The following NEB variants were observed in gnomAD, a reference collection of about 807,000 sequenced individuals.
NEB encodes the protein nemaline myopathy type 2.
Under a neutral mutation model 952.2 loss-of-function variants are expected in NEB, and 512 were observed. The ratio of observed to expected loss-of-function variants is 0.54; its 90% CI spans 0.50 to 0.58. The LOEUF (loss-of-function observed/expected upper bound fraction) is 0.58, where lower values mean the gene tolerates loss of function less well. Among genes scored for constraint, NEB ranks in the 20% least tolerant of loss-of-function variants. The probability of loss-of-function intolerance (pLI) is 0.00; values close to 1 mark genes in which losing one functional copy is unlikely to be tolerated. For missense variants in NEB, 8,428 were observed against 9,231.1 expected (o/e 0.91, Z 3.56); for synonymous variants, 2,900 against 3,149.8 (o/e 0.92, Z 2.66).
Position 151,553,965 on chromosome 2 carries a change from C to T in NEB, c.19489G>A (p.Val6497Ile), listed in dbSNP as rs777289377. 5.0e-6 allele frequency: 8 copies of T among 1,613,754 alleles called. No homozygotes were observed. The highest frequency in any genetic ancestry group is 5.9e-6 in the Non-Finnish European group (7 of 1,179,802). Residue 6497 changes from valine to isoleucine, a missense_variant, in exon 126 of 182, where the codon GTA becomes ATA. Around this residue, in one of 11 missense-constraint regions of NEB, gnomAD observed 3,374 missense variants for 3,651.5 expected, o/e 0.92. Transcript: ENST00000397345. The stretch of plus-strand genomic sequence containing the variant: ...GAATCCTTGGCAGTAACCATCTCTA[C>T]CATGTCGGGCACGATGTGGATTTTC... Reference protein sequence around the residue: ...KMKIHIVPDMVEMVTAKDSQK... With the variant: ...KMKIHIVPDMIEMVTAKDSQK...
chr2:151,724,894 A>C lies in NEB; in HGVS notation c.470T>G (p.Ile157Ser). The change falls in exon 7 of 182, where the codon ATT becomes AGT. Residue 157 changes from isoleucine to serine, a missense_variant. Ile to Ser is a moderately radical substitution (Grantham distance 142). Around this residue, in one of 11 missense-constraint regions of NEB, gnomAD observed 2,851 missense variants for 2,791.5 expected, o/e 1.02. Coordinates refer to ENST00000397345, the MANE Select transcript of NEB (RefSeq NM_001164508.2). ...ICHVDEKAKD[I>S]EHAKKVSQQV... ...CTGCGACACTTTCTTTGCATGTTCA[A>C]TATCCTTTGCTTTTTCATCTACGTG... The C allele has an allele frequency of 6.2e-7, 1 of 1,613,816 alleles. No individual in the cohort carries two copies. Among genetic ancestry groups the C allele is most frequent in the Non-Finnish European group, 8.5e-7 (1 of 1,179,810 alleles).
Position 151,575,797 on chromosome 2 carries a change from T to A in NEB, c.16911A>T (p.Pro5637=). ...CCTTGTCCCAAACCTCTCTGTACTTTGGCTGTGGAAAGAAACAAAAATAAT... is the reference window on the plus strand; with the variant it reads ...CCTTGTCCCAAACCTCTCTGTACTTAGGCTGTGGAAAGAAACAAAAATAAT... The part of the protein sequence containing the change: ...AKSNAENISI[P]KYREVWDKDK... Residue 5637 remains proline, a splice_region_variant and synonymous_variant, in exon 107 of 182, where the codon CCA becomes CCT. Coordinates refer to ENST00000397345, the MANE Select transcript of NEB (RefSeq NM_001164508.2). The A allele has an allele frequency of 1.3e-6, 2 of 1,582,326 alleles. No homozygotes were observed. The highest frequency in any genetic ancestry group is 2.2e-5 in the South Asian group (2 of 90,296).
chr2:151,664,514 T>G lies in NEB; in HGVS notation c.5438A>C (p.Asp1813Ala). 1 of 1,587,638 alleles carries G rather than the reference T, an allele frequency of 6.3e-7. No homozygotes were observed. Among genetic ancestry groups the G allele is most frequent in the Non-Finnish European group, 8.5e-7 (1 of 1,170,122 alleles). Residue 1813 changes from aspartate to alanine, a missense_variant, in exon 44 of 182, where the codon GAC (aspartate) becomes GCC (alanine). By Grantham distance (126) the Asp-to-Ala change is moderately radical (BLOSUM62 -2). This residue lies in a region of NEB where 2,851 missense variants were observed against 2,791.5 expected (regional missense o/e 1.02). Transcript: ENST00000397345. ...GCAAGCACTTACATCACTGGCAATG[T>G]CTCTAGAGGCTCTTGCAGCCTTTAT... ...IAIKAARASR[D>A]IASDYKYKKA... is the part of the protein sequence containing the mutation.
At chr2:151,514,953 A>C (rs1371784846) in intron 157 of NEB, 25 bp from the exon 158 acceptor site, 1 of 1,436,440 alleles carries the variant, frequency 7.0e-7, no homozygotes, top group South Asian at 1.3e-5. Flanking sequence ...AAGGAAAGAC[A>C]AGTTAAAAAA....
intron 13 of NEB, among the ~76,000 whole-genome samples, chr2:151,704,824 G>A (rs564497323): frequency 9.3e-4 from 141 of 152,168 alleles, no homozygotes; most frequent in Non-Finnish European, 2.0e-3. Flanking sequence ...CGTCTTCTGC[G>A]TCGCTCGCTC....
intron 54 of NEB, among the ~76,000 whole-genome samples, chr2:151,648,198 T>G (rs893440952): frequency 1.3e-5 from 2 of 152,184 alleles, no homozygotes; most frequent in African/African-American, 4.8e-5. Flanking sequence ...TGAAATTATT[T>G]CAATAAAAAA....
rs770003489 is a variant in NEB at position 151,576,102 on chromosome 2, C to T, written c.16908+49G>A. 8.9e-6 allele frequency: 12 copies of T among 1,355,100 alleles called. No individual in the cohort carries two copies. In the East Asian group the frequency reaches 2.2e-4, roughly 25 times the overall value. The allele number at this position is 1,355,100 out of a possible 1,614,324, so 83.9% of individuals were successfully genotyped here. ...ATAAATGACCAGGTTTATTCTTTCTCATCTATTTATGGCATTAATTCAATT... is the reference window on the plus strand; with the variant it reads ...ATAAATGACCAGGTTTATTCTTTCTTATCTATTTATGGCATTAATTCAATT... On this transcript the variant is annotated intron_variant, in intron 106 of 181. Coordinates refer to ENST00000397345, the MANE Select transcript of NEB (RefSeq NM_001164508.2).
intron 68 of NEB, among the ~76,000 whole-genome samples, chr2:151,629,231 C>G (rs1367852119): frequency 6.6e-6 from 1 of 152,046 alleles, no homozygotes; most frequent in Non-Finnish European, 1.5e-5. Context: ...CTGTGAGGCT[C>G]TATGCTCAAA....
chr2:151,497,074 A>T (rs772282131), intron 171 of NEB, 41 bp from the exon 172 acceptor site: 1 of 1,543,114 alleles, frequency 6.5e-7, no homozygotes. Flanking sequence ...ACCATGAGTA[A>T]CATTTCATTT....
intron 13 of NEB, among the ~76,000 whole-genome samples, chr2:151,698,431 G>A (rs998214077): frequency 6.6e-6 from 1 of 152,092 alleles, no homozygotes; most frequent in Non-Finnish European, 1.5e-5. Context: ...GAATAGGTAT[G>A]AGGTTTATGG....
intron 172 of NEB, 30 bp from the exon 173 acceptor site, chr2:151,496,398 A>C (rs778264363): frequency 1.9e-6 from 3 of 1,576,752 alleles, no homozygotes; most frequent in Non-Finnish European, 1.7e-6. Context: ...CCAGAAAAAC[A>C]ACCATGAGTA....
chr2:151,729,426 A>G (rs1189423430), intron 4 of NEB, among the ~76,000 whole-genome samples, 189 bp downstream of exon 4: 6 of 152,252 alleles, frequency 3.9e-5, no homozygotes, highest in African/African-American at 1.4e-4. Context: ...AATAGGAAAA[A>G]AAGGTGAAAT....
chr2:151,661,329 G>C (rs902747015), intron 46 of NEB, among the ~76,000 whole-genome samples: 1 of 152,146 alleles, frequency 6.6e-6, no homozygotes, highest in Non-Finnish European at 1.5e-5. Flanking sequence ...CAAGGAGGTT[G>C]AGCTCCACAA....
At chr2:151,685,216 C>T (rs1193379588) in intron 27 of NEB, among the ~76,000 whole-genome samples, 1 of 152,188 alleles carries the variant, frequency 6.6e-6, no homozygotes, top group Non-Finnish European at 1.5e-5. Flanking sequence ...CGGGCCACAG[C>T]TTCTGCTTCA....
In NEB at chr2:151,570,683, G is replaced by C. The variant is rs2096594334; in HGVS notation, c.17014-82C>G. 3 of 1,278,118 alleles carry C rather than the reference G, an allele frequency of 2.3e-6. No individual in the cohort carries two copies. The South Asian group carries it at 3.8e-5, about 16-fold the overall frequency. The allele number at this position is 1,278,118 out of a possible 1,614,324, so 79.2% of individuals were successfully genotyped here. On this transcript the variant is annotated intron_variant, in intron 107 of 181. Transcript: ENST00000397345. ...TGGCTCAGGTGGAATTAATACCACA[G>C]GGGCACAGTTTTGAAGCCCAAGGAC...
At chr2:151,695,028 G>C (rs1211488849) in intron 18 of NEB, among the ~76,000 whole-genome samples, 1 of 152,158 alleles carries the variant, frequency 6.6e-6, no homozygotes. Context: ...AGTGATGCCA[G>C]ATAATCTTAG....
intron 27 of NEB, 49 bp from the exon 28 acceptor site, chr2:151,685,024 C>T: frequency 6.8e-7 from 1 of 1,463,056 alleles, no homozygotes. Flanking sequence ...CGATGGATTT[C>T]CAGAAAAGAC....
Position 151,639,525 on chromosome 2 carries a change from G to A in NEB, c.8890-141C>T, listed in dbSNP as rs1056132164. The A allele has an allele frequency of 8.3e-6, 5 of 601,044 alleles. 1 individual carries two copies. Among genetic ancestry groups the A allele is most frequent in the Non-Finnish European group, 1.4e-5 (5 of 367,182 alleles). 37.2% of individuals were successfully genotyped at this position (601,044 alleles called of 1,614,324 possible). ...ATTATGTGTTTTATGCACATCTTCG[G>A]GTAATAAGTTCATAAAGGAATGTGT... is the stretch of plus-strand genomic sequence containing the variant. On this transcript the variant is annotated intron_variant, in intron 62 of 181. Coordinates refer to ENST00000397345, the MANE Select transcript of NEB (RefSeq NM_001164508.2).
At chr2:151,643,086 C>T in intron 58 of NEB, 64 bp downstream of exon 58, 1 of 1,487,120 alleles carries the variant, frequency 6.7e-7, no homozygotes, top group South Asian at 1.2e-5. Context: ...TTTATACAAA[C>T]AGACTTCAGT....
Sources: allele counts gnomAD v4.1 joint callset (sites outside exome capture counted in the v4.1 genomes callset), GRCh38; gene constraint gnomAD v4.1.1; regional missense constraint gnomAD v4.1.1; transcripts MANE v1.5; gene names NCBI Gene and HGNC (gene_info 2026-07-23, HGNC 2026-07-21).